TMEM229B: variants seen among roughly 807,000 people sequenced by gnomAD.
TMEM229B encodes transmembrane protein 229B.
TMEM229B carries 6 observed loss-of-function variants against 13.7 expected under a neutral mutation model. That is an observed-to-expected ratio of 0.44 (90% CI 0.24 to 0.86). The LOEUF is 0.86. Ranked by LOEUF, TMEM229B falls within the 40% of genes least tolerant of loss-of-function variation. The pLI, the probability that TMEM229B is intolerant of heterozygous loss-of-function variation, is 0.23. For missense variants in TMEM229B, 170 were observed against 236.0 expected (o/e 0.72, Z 1.83); for synonymous variants, 107 against 102.1 (o/e 1.05, Z -0.29).
chr14:67,480,934 G>C, intron 2 of TMEM229B, among the ~76,000 whole-genome samples: 1 of 152,186 alleles, frequency 6.6e-6, no homozygotes, highest in East Asian at 1.9e-4. Flanking sequence ...AACCCTTGGA[G>C]CAGAAGCAAG....
In TMEM229B at chr14:67,470,413, C is replaced by T. The variant is rs371612297; in HGVS notation, c.*3007G>A. On this transcript the variant is annotated 3_prime_UTR_variant, in exon 3 of 3. Coordinates refer to ENST00000554480, the MANE Select transcript of TMEM229B (RefSeq NM_001348543.2). ...GCTGCCCAACTGGGAGACAGTCCCA[C>T]CCACCTCAAAGGCCCTTTAGCAGAG... 3.9e-5 allele frequency: 6 copies of T among 152,364 alleles called. No homozygotes were observed. The highest frequency in any genetic ancestry group is 1.4e-4 in the African/African-American group (6 of 41,578). The allele number at this position is 152,364 out of a possible 1,614,324, so 9.4% of individuals were successfully genotyped here. A position where few individuals can be genotyped will look rare whatever the true frequency, so the allele number is the denominator to read the frequency against.
intron 1 of TMEM229B, among the ~76,000 whole-genome samples, chr14:67,501,225 A>C (rs759752887): frequency 6.6e-6 from 1 of 152,132 alleles, no homozygotes; most frequent in Non-Finnish European, 1.5e-5. Context: ...TCCCAGAGTC[A>C]TGGCAGTGGA....
At chr14:67,486,474 C>T (rs1410368761) in intron 2 of TMEM229B, among the ~76,000 whole-genome samples, 1 of 152,184 alleles carries the variant, frequency 6.6e-6, no homozygotes, top group Non-Finnish European at 1.5e-5. Context: ...GGGGTTTCAC[C>T]ATGTTGGCCA....
chr14:67,526,890 A>G (rs1309495867), intron 1 of TMEM229B, among the ~76,000 whole-genome samples: 1 of 152,186 alleles, frequency 6.6e-6, no homozygotes, highest in Non-Finnish European at 1.5e-5. Flanking sequence ...GAGAGCTTCC[A>G]GTAGGGTATG....
chr14:67,505,088 C>T (rs542209204), intron 1 of TMEM229B, among the ~76,000 whole-genome samples: 4 of 152,052 alleles, frequency 2.6e-5, no homozygotes, highest in Non-Finnish European at 4.4e-5. Context: ...CAGATGAACA[C>T]CAAGGTGCAC....
In TMEM229B at chr14:67,473,982, G is replaced by A. The variant is rs969590787; in HGVS notation, c.-18-41C>T. 2 of 1,519,084 alleles carry A rather than the reference G, an allele frequency of 1.3e-6. No individual in the cohort carries two copies. The highest frequency in any genetic ancestry group is 2.4e-5 in the East Asian group (1 of 42,154). The allele number at this position is 1,519,084 out of a possible 1,614,324, so 94.1% of individuals were successfully genotyped here. A position where few individuals can be genotyped will look rare whatever the true frequency, so the allele number is the denominator to read the frequency against. On this transcript the variant is annotated intron_variant, in intron 2 of 2. Transcript: ENST00000554480. The surrounding 1 kb of genome is among the most constrained non-coding windows in gnomAD (Gnocchi z 6.5). The stretch of plus-strand genomic sequence containing the variant: ...GAGAGACAGGTGAGGGCCGGGCGCG[G>A]TGGCTCACGCCTATAATCCCTGCGC...
chr14:67,513,933 A>G (rs2033112829), intron 1 of TMEM229B, among the ~76,000 whole-genome samples: 1 of 152,170 alleles, frequency 6.6e-6, no homozygotes, highest in Admixed American at 6.5e-5. Flanking sequence ...TTTGTTTTCT[A>G]GAGAGAAAGA....
upstream of TMEM229B, among the ~76,000 whole-genome samples, chr14:67,515,776 G>A (rs1049291885): frequency 2.0e-4 from 30 of 152,342 alleles, no homozygotes; most frequent in Admixed American, 6.5e-4. Context: ...GCAGGCCCGG[G>A]CTACCTGAGG....
At chr14:67,482,826 C>T (rs763671345) in intron 2 of TMEM229B, among the ~76,000 whole-genome samples, 5 of 152,146 alleles carry the variant, frequency 3.3e-5, no homozygotes, top group Non-Finnish European at 7.4e-5. Flanking sequence ...GGGTGCCCCC[C>T]AAGGAAAGCC....
chr14:67,500,573 A>ATTT (rs529810754), intron 1 of TMEM229B, among the ~76,000 whole-genome samples: 1 of 138,850 alleles, frequency 7.2e-6, no homozygotes, highest in African/African-American at 2.7e-5. Context: ...GTGCATTTGG[A>ATTT]TTTTTTTTTT....
chr14:67,516,792 T>C (rs2033210389), upstream of TMEM229B, among the ~76,000 whole-genome samples: 1 of 152,170 alleles, frequency 6.6e-6, no homozygotes, highest in Non-Finnish European at 1.5e-5. Context: ...GTCAAGCCAT[T>C]TTTCTCAGAA....
At chr14:67,491,883 G>A (rs1268496463), upstream of TMEM229B, among the ~76,000 whole-genome samples, 1 of 152,220 alleles carries the variant, frequency 6.6e-6, no homozygotes, top group African/African-American at 2.4e-5. Context: ...AGCAAGGAGA[G>A]GCCCAGGCCG....
intron 1 of TMEM229B, among the ~76,000 whole-genome samples, chr14:67,510,334 G>T (rs1489834635): frequency 1.3e-5 from 2 of 152,150 alleles, no homozygotes; most frequent in African/African-American, 4.8e-5. Flanking sequence ...GTCAGGGAGG[G>T]ATCCCAGATT....
At chr14:67,532,829 CAGG>C (rs1378619714) in intron 1 of TMEM229B, among the ~76,000 whole-genome samples, 1 of 152,236 alleles carries the variant, frequency 6.6e-6, no homozygotes, top group Non-Finnish European at 1.5e-5. Context: ...CACAGGTGGC[CAGG>C]AGAATGCTGG....
chr14:67,472,954 G>GC lies in TMEM229B; in HGVS notation c.*465dup, dbSNP rs960570911. The stretch of plus-strand genomic sequence containing the variant: ...TCTCTCCTCGGCTGCAGCTCAGCAG[G>GC]CCCCTGGGGAGGTATTGGTTGCAAG... On this transcript the variant is annotated 3_prime_UTR_variant, in exon 3 of 3. Coordinates refer to ENST00000554480, the MANE Select transcript of TMEM229B (RefSeq NM_001348543.2). The GC allele has an allele frequency of 5.8e-6, 1 of 173,554 alleles. No individual in the cohort carries two copies. The highest frequency in any genetic ancestry group is 2.4e-5 in the African/African-American group (1 of 41,600). 10.8% of individuals were successfully genotyped at this position (173,554 alleles called of 1,614,324 possible). A position where few individuals can be genotyped will look rare whatever the true frequency, so the allele number is the denominator to read the frequency against.
rs563323625 is a variant in TMEM229B, at chr14:67,520,530, C to T, written c.-192+13106G>A. On this transcript the variant is annotated intron_variant, in intron 1 of 2. Coordinates refer to the TMEM229B transcript ENST00000554278. ...GGCTTGATAGCTTATTTCTTTTCAGCATTGAATAATATTCCATTGTCTGGA... is the reference window on the plus strand; with the variant it reads ...GGCTTGATAGCTTATTTCTTTTCAGTATTGAATAATATTCCATTGTCTGGA... Among the ~76,000 whole-genome samples, 20 of 152,366 alleles carry T rather than the reference C, an allele frequency of 1.3e-4. No homozygotes were observed. The South Asian group carries it at 3.7e-3, about 28-fold the overall frequency.
At chr14:67,519,391 T>C (rs984213940), upstream of TMEM229B, among the ~76,000 whole-genome samples, 10 of 152,200 alleles carry the variant, frequency 6.6e-5, no homozygotes, top group African/African-American at 2.4e-4. Context: ...TGGGAAGTAA[T>C]CGAGGGTCTC....
At chr14:67,483,367 T>C (rs893110861) in intron 2 of TMEM229B, among the ~76,000 whole-genome samples, 1 of 152,186 alleles carries the variant, frequency 6.6e-6, no homozygotes, top group African/African-American at 2.4e-5. Context: ...CCCACAAATC[T>C]GGTTCCAGAG....
intron 2 of TMEM229B, among the ~76,000 whole-genome samples, chr14:67,476,708 G>GC (rs1457250681): frequency 6.6e-6 from 1 of 152,170 alleles, no homozygotes; most frequent in African/African-American, 2.4e-5. Context: ...ATATCCCAGG[G>GC]CCAGTAAATG....
Sources: allele counts gnomAD v4.1 joint callset (sites outside exome capture counted in the v4.1 genomes callset), GRCh38; gene constraint gnomAD v4.1.1; non-coding constraint Gnocchi (gnomAD v3.1); transcripts MANE v1.5; gene names NCBI Gene and HGNC (gene_info 2026-07-23, HGNC 2026-07-21).